RAB27B: variants seen among roughly 807,000 people sequenced by gnomAD.
RAB27B encodes the protein ras-related protein Rab-27B.
A neutral mutation model predicts 24.6 loss-of-function variants in RAB27B; 15 were observed. The ratio of observed to expected loss-of-function variants is 0.61; its 90% CI spans 0.41 to 0.94. RAB27B has a LOEUF of 0.94. RAB27B is among the 40% of genes least tolerant of loss of function. The pLI is 0.00. For missense variants in RAB27B, 261 were observed against 266.8 expected (o/e 0.98, Z 0.15); for synonymous variants, 105 against 92.5 (o/e 1.14, Z -0.78).
intron 2 of RAB27B, among the ~76,000 whole-genome samples, chr18:54,767,751 A>G (rs1177009508): frequency 6.6e-6 from 1 of 152,214 alleles, no homozygotes; most frequent in Non-Finnish European, 1.5e-5. Context: ...ACACAAAATA[A>G]GCATAAATGC....
At chr18:54,734,675 T>C (rs559380701) in intron 2 of RAB27B, among the ~76,000 whole-genome samples, 1 of 152,316 alleles carries the variant, frequency 6.6e-6, no homozygotes, top group African/African-American at 2.4e-5. Flanking sequence ...GTTATATAAA[T>C]AGCCTAAGGA....
intron 2 of RAB27B, among the ~76,000 whole-genome samples, chr18:54,772,942 G>A (rs1319995867): frequency 6.6e-6 from 1 of 152,014 alleles, no homozygotes; most frequent in Non-Finnish European, 1.5e-5. Context: ...ATTTAATTCG[G>A]TGCTCCTTTC....
chr18:54,887,555 T>G (rs1913196096), intron 4 of RAB27B, among the ~76,000 whole-genome samples: 1 of 152,274 alleles, frequency 6.6e-6, no homozygotes, highest in South Asian at 2.1e-4. Flanking sequence ...TGTGATGTTT[T>G]AATGAATTAC....
At chr18:54,872,190 T>C (rs937542958) in intron 1 of RAB27B, among the ~76,000 whole-genome samples, 3 of 152,226 alleles carry the variant, frequency 2.0e-5, no homozygotes, top group Admixed American at 6.6e-5. Flanking sequence ...GACAGCTTTA[T>C]GTGTTCTCTG....
At chr18:54,859,243 T>G (rs1568101249) in intron 1 of RAB27B, among the ~76,000 whole-genome samples, 3 of 152,174 alleles carry the variant, frequency 2.0e-5, no homozygotes, top group African/African-American at 7.2e-5. Context: ...GAACTACAAT[T>G]CTTGATGTTT....
intron 2 of RAB27B, among the ~76,000 whole-genome samples, chr18:54,726,696 A>G (rs896629652): frequency 1.3e-5 from 2 of 151,678 alleles, no homozygotes; most frequent in Non-Finnish European, 2.9e-5. Flanking sequence ...TCCTTGTAAA[A>G]CATATTATGA....
intron 2 of RAB27B, among the ~76,000 whole-genome samples, chr18:54,798,062 G>A (rs967122707): frequency 1.3e-4 from 20 of 152,126 alleles, no homozygotes; most frequent in African/African-American, 1.7e-4. Flanking sequence ...AAGAACCGCC[G>A]TCTATTCTAT....
intron 2 of RAB27B, among the ~76,000 whole-genome samples, chr18:54,771,414 T>A (rs1483391515): frequency 6.6e-6 from 1 of 152,154 alleles, no homozygotes; most frequent in African/African-American, 2.4e-5. Context: ...GTGCCATTCA[T>A]GATGAGAAGT....
chr18:54,747,407 A>AT (rs1244105272), intron 2 of RAB27B, among the ~76,000 whole-genome samples: 1 of 152,212 alleles, frequency 6.6e-6, no homozygotes, highest in East Asian at 1.9e-4. Flanking sequence ...TAATACATTC[A>AT]TTTTGTTTTA....
chr18:54,796,153 C>T (rs1909411441), intron 2 of RAB27B, among the ~76,000 whole-genome samples: 1 of 152,100 alleles, frequency 6.6e-6, no homozygotes, highest in Non-Finnish European at 1.5e-5. Context: ...CTGCCCCACT[C>T]CTCAAACCCC....
chr18:54,886,991 C>A (rs1426809512), intron 4 of RAB27B, among the ~76,000 whole-genome samples: 1 of 143,316 alleles, frequency 7.0e-6, no homozygotes, highest in Non-Finnish European at 1.5e-5. Flanking sequence ...CTGCCCTGCC[C>A]TGCCCTCCCC....
chr18:54,794,817 T>A (rs931852889), intron 2 of RAB27B, among the ~76,000 whole-genome samples: 1 of 152,238 alleles, frequency 6.6e-6, no homozygotes. Context: ...TCCCTGCTTC[T>A]TTTATTTAGT....
Position 54,884,441 on chromosome 18 carries a change from G to T in RAB27B, c.343+5G>T. 1 of 1,584,582 alleles carries T rather than the reference G, an allele frequency of 6.3e-7. No homozygotes were observed. Among genetic ancestry groups the T allele is most frequent in the Non-Finnish European group, 8.7e-7 (1 of 1,154,014 alleles). The stretch of plus-strand genomic sequence containing the variant: ...TAAATGTCAGAAACTGGATGAGTAA[G>T]TGGGACTGAGTAATGTGCATTGGCC... On this transcript the variant is annotated splice_donor_5th_base_variant and intron_variant, in intron 4 of 5. Transcript: ENST00000262094.
At position 54,772,417 on chromosome 18, in the gene RAB27B, C is replaced by A. The variant is rs372551147; in HGVS notation, c.-20+54276C>A. ...GGGAATTAGAGCTCTCCTGCCTCTT[C>A]TGGAGAAAAGAGAATGTTGTGGTGG... On this transcript the variant is annotated intron_variant, in intron 2 of 4. Coordinates refer to the RAB27B transcript ENST00000586570. Among the ~76,000 whole-genome samples, 157 of 152,318 alleles carry A rather than the reference C, an allele frequency of 1.0e-3. 4 individuals carry two copies. In the South Asian group the frequency reaches 0.028, roughly 27 times the overall value.
intron 2 of RAB27B, among the ~76,000 whole-genome samples, chr18:54,823,333 G>C (rs914695844): frequency 6.6e-6 from 1 of 152,174 alleles, no homozygotes; most frequent in Non-Finnish European, 1.5e-5. Context: ...AGGAGGTAGG[G>C]GCACACCCGT....
chr18:54,823,732 A>G (rs1237564079), upstream of RAB27B, among the ~76,000 whole-genome samples: 1 of 152,206 alleles, frequency 6.6e-6, no homozygotes, highest in Non-Finnish European at 1.5e-5. Context: ...TCCACTGCTT[A>G]TAGATCATTA....
chr18:54,718,533 A>G (rs564656239), intron 2 of RAB27B, among the ~76,000 whole-genome samples: 6 of 152,258 alleles, frequency 3.9e-5, no homozygotes, highest in South Asian at 4.1e-4. Flanking sequence ...AAATACTCCT[A>G]TCATAGATGT....
intron 2 of RAB27B, among the ~76,000 whole-genome samples, chr18:54,757,811 A>G (rs894090768): frequency 3.3e-5 from 5 of 152,086 alleles, no homozygotes; most frequent in Non-Finnish European, 5.9e-5. Flanking sequence ...TGATTTAATT[A>G]TAATATAATT....
At chr18:54,729,377 G>C (rs1309614373) in intron 2 of RAB27B, among the ~76,000 whole-genome samples, 1 of 152,130 alleles carries the variant, frequency 6.6e-6, no homozygotes, top group Admixed American at 6.5e-5. Context: ...AGGCCGGAAG[G>C]AAGATACTAA....
Sources: allele counts gnomAD v4.1 joint callset (sites outside exome capture counted in the v4.1 genomes callset), GRCh38; gene constraint gnomAD v4.1.1; transcripts MANE v1.5; gene names NCBI Gene and HGNC (gene_info 2026-07-23, HGNC 2026-07-21).